Variants in ZNF722 observed in about 807,000 individuals in gnomAD.
The protein encoded by ZNF722 is zinc finger protein 722, also known as zinc finger protein 479 pseudogene.
At chr7:64,004,425 A>AAAAATATATATATATATATATATAT in the ZNF722 span, among the ~76,000 whole-genome samples, 2 of 61,108 alleles carry the variant, frequency 3.3e-5, no homozygotes, top group African/African-American at 1.6e-4. Flanking sequence ...AAAAAAAAAA[A>AAAAATATATATATATATATATATAT]ATATATATAT....
chr7:64,014,532 A>G, the ZNF722 span, among the ~76,000 whole-genome samples: 1 of 152,126 alleles, frequency 6.6e-6, no homozygotes, highest in Non-Finnish European at 1.5e-5. Context: ...GAGTCTTGCA[A>G]ACATGTTCTC....
At chr7:64,015,009 T>C in the ZNF722 span, 1 of 1,276,202 alleles carries the variant, frequency 7.8e-7, no homozygotes, top group East Asian at 2.3e-5. Flanking sequence ...GAGTAACTTG[T>C]GATTTTTATG....
At chr7:64,001,786 T>C in the ZNF722 span, among the ~76,000 whole-genome samples, 1 of 152,188 alleles carries the variant, frequency 6.6e-6, no homozygotes, top group Admixed American at 6.5e-5. Flanking sequence ...TTTAGTCTAA[T>C]TGTTTTTATT....
the ZNF722 span, among the ~76,000 whole-genome samples, chr7:64,016,886 TCA>T: frequency 2.6e-5 from 4 of 152,316 alleles, no homozygotes; most frequent in African/African-American, 4.8e-5. Flanking sequence ...TAAATGGTAG[TCA>T]CACGTTATGG....
chr7:64,009,407 G>A, the ZNF722 span, among the ~76,000 whole-genome samples: 1 of 152,130 alleles, frequency 6.6e-6, no homozygotes, highest in Non-Finnish European at 1.5e-5. Context: ...ATTATTTTGA[G>A]ATACATTCTG....
the ZNF722 span, among the ~76,000 whole-genome samples, chr7:64,004,090 A>C: frequency 6.6e-6 from 1 of 152,030 alleles, no homozygotes; most frequent in Non-Finnish European, 1.5e-5. Flanking sequence ...CTTTGCATAA[A>C]ACTGATGGTT....
the ZNF722 span, chr7:63,999,009 T>C: frequency 6.3e-7 from 1 of 1,576,536 alleles, no homozygotes; most frequent in Non-Finnish European, 8.7e-7. Context: ...TGGTGAGTGC[T>C]GGGTCTGTCA....
the ZNF722 span, chr7:64,005,501 C>T: frequency 6.1e-5 from 37 of 606,424 alleles, no homozygotes; most frequent in Middle Eastern, 5.4e-4. Flanking sequence ...TAAGTGAGAA[C>T]CACTTCATTT....
At chr7:64,014,937 T>G in the ZNF722 span, 2 of 982,454 alleles carry the variant, frequency 2.0e-6, no homozygotes, top group Non-Finnish European at 3.0e-6. Context: ...ATTTTGCTAG[T>G]GTGCCTTGTA....
chr7:64,013,848 T>C, the ZNF722 span, among the ~76,000 whole-genome samples: 4 of 152,144 alleles, frequency 2.6e-5, no homozygotes, highest in Non-Finnish European at 5.9e-5. Context: ...TCAGCATTTG[T>C]TTATTCTGGA....
chr7:64,015,840 G>T, the ZNF722 span: 2 of 1,603,728 alleles, frequency 1.2e-6, no homozygotes, highest in South Asian at 1.1e-5. Flanking sequence ...TGAAGAATGT[G>T]ACAAAGCTTT....
the ZNF722 span, chr7:64,005,748 A>T: frequency 6.5e-7 from 1 of 1,528,378 alleles, no homozygotes; most frequent in Middle Eastern, 1.7e-4. Context: ...GGTGAGGAAA[A>T]CTTCAATACA....
the ZNF722 span, among the ~76,000 whole-genome samples, chr7:64,001,464 C>T: frequency 1.2e-4 from 19 of 152,274 alleles, no homozygotes; most frequent in East Asian, 1.9e-4. Flanking sequence ...ATGGTGTTTA[C>T]GTAACACATT....
chr7:64,016,075 G>C, the ZNF722 span: 1 of 580,414 alleles, frequency 1.7e-6, no homozygotes, highest in Non-Finnish European at 2.9e-6. Flanking sequence ...TTTTATAAAT[G>C]TAAAAAAATG....
the ZNF722 span, among the ~76,000 whole-genome samples, chr7:64,009,884 G>A: frequency 1.3e-5 from 2 of 151,940 alleles, no homozygotes; most frequent in Non-Finnish European, 2.9e-5. Context: ...GACTTTTTTT[G>A]GTTGGTAGGC....
chr7:64,015,937 C>T, the ZNF722 span: 1 of 1,369,768 alleles, frequency 7.3e-7, no homozygotes, highest in Admixed American at 1.9e-5. Context: ...AAATTCTAGC[C>T]CTCAGGCCTT....
the ZNF722 span, among the ~76,000 whole-genome samples, chr7:64,013,004 T>C: frequency 2.4e-4 from 37 of 152,318 alleles, no homozygotes; most frequent in African/African-American, 8.9e-4. Flanking sequence ...ACTGTAATTG[T>C]AAGCTTCCTC....
chr7:64,017,989 A>G, the ZNF722 span, among the ~76,000 whole-genome samples: 1 of 152,220 alleles, frequency 6.6e-6, no homozygotes, highest in Non-Finnish European at 1.5e-5. Flanking sequence ...CAGAGATATA[A>G]GAGATTGTTT....
At chr7:64,013,746 A>G in the ZNF722 span, among the ~76,000 whole-genome samples, 1 of 152,136 alleles carries the variant, frequency 6.6e-6, no homozygotes, top group Non-Finnish European at 1.5e-5. Flanking sequence ...ATGTATTTTC[A>G]TATGATTATA....
Sources: allele counts gnomAD v4.1 joint callset (sites outside exome capture counted in the v4.1 genomes callset), GRCh38; gene constraint gnomAD v4.1.1; transcripts MANE v1.5; gene names NCBI Gene and HGNC (gene_info 2026-07-23, HGNC 2026-07-21).